The following ZBTB47 variants were observed in gnomAD, a reference collection of about 807,000 sequenced individuals.
ZBTB47 encodes the protein zinc finger and BTB domain containing 47, also known as zinc finger and BTB domain-containing protein 47.
In ZBTB47, 24 loss-of-function variants were observed where a neutral mutation model predicts 56.6. That is an observed-to-expected ratio of 0.42 (90% CI 0.31 to 0.60). The LOEUF (loss-of-function observed/expected upper bound fraction) is 0.60, where lower values mean the gene tolerates loss of function less well. ZBTB47 is among the 20% of genes least tolerant of loss of function. The pLI is 0.14. For synonymous variants in ZBTB47, 414 were observed against 418.9 expected (o/e 0.99, Z 0.14); for missense variants, 829 against 1,032.6 (o/e 0.80, Z 2.70).
rs1382078272 is a variant in ZBTB47 at position 42,664,673 on chromosome 3, G to A, written c.*75G>A. On this transcript the variant is annotated 3_prime_UTR_variant, in exon 6 of 6. Coordinates refer to ENST00000232974, the MANE Select transcript of ZBTB47 (RefSeq NM_145166.4). ...TCCAGGAGGGACCCACTGCCTTCCC[G>A]GGGAGCACAGTAGTGCGGGCCTGGG... 9.6e-6 allele frequency: 13 copies of A among 1,355,936 alleles called. No homozygotes were observed. Among genetic ancestry groups the A allele is most frequent in the Non-Finnish European group, 1.1e-5 (12 of 1,059,546 alleles). The allele number at this position is 1,355,936 out of a possible 1,614,324, so 84.0% of individuals were successfully genotyped here. A position where few individuals can be genotyped will look rare whatever the true frequency, so the allele number is the denominator to read the frequency against.
chr3:42,667,443 G>A lies in ZBTB47; in HGVS notation c.*2845G>A, dbSNP rs1309441916. Among the ~76,000 whole-genome samples the A allele has an allele frequency of 1.3e-5, 2 of 152,238 alleles. No individual in the cohort carries two copies. Among genetic ancestry groups the A allele is most frequent in the Admixed American group, 1.3e-4 (2 of 15,286 alleles). Reference sequence around the variant, plus strand: ...TGCCCTTCACAGAGGGCTTGGTAGTGGCAGAATGGCCATGCCCAGGTGTGT... The same window carrying A: ...TGCCCTTCACAGAGGGCTTGGTAGTAGCAGAATGGCCATGCCCAGGTGTGT... On this transcript the variant is annotated 3_prime_UTR_variant, in exon 6 of 6. Transcript: ENST00000232974.
rs911961486 is a variant in ZBTB47 at position 42,656,090 on chromosome 3, T to C, written c.-81-2185T>C. 4.9e-4 allele frequency among the ~76,000 whole-genome samples: 74 copies of C among 152,130 alleles called. No homozygotes were observed. Among genetic ancestry groups the C allele is most frequent in the African/African-American group, 1.7e-3 (70 of 41,426 alleles). ...AACAGGCCTGGCTTCAGCAAACCCTTATCCAAGCCACTTCTCCTGCCAGTC... is the reference window on the plus strand; with the variant it reads ...AACAGGCCTGGCTTCAGCAAACCCTCATCCAAGCCACTTCTCCTGCCAGTC... On this transcript the variant is annotated intron_variant, in intron 1 of 5. Coordinates refer to ENST00000232974, the MANE Select transcript of ZBTB47 (RefSeq NM_145166.4). The surrounding 1 kb of genome is among the most constrained non-coding windows in gnomAD (Gnocchi z 5.8).
chr3:42,662,615 T>C (rs558287210), intron 3 of ZBTB47, among the ~76,000 whole-genome samples: 2 of 152,046 alleles, frequency 1.3e-5, no homozygotes, highest in East Asian at 3.9e-4. Flanking sequence ...CCACTATGAG[T>C]CCCTTTTTAT....
chr3:42,659,949 CTT>C, intron 2 of ZBTB47, 121 bp downstream of exon 2: 2 of 1,368,326 alleles, frequency 1.5e-6, no homozygotes, highest in Non-Finnish European at 1.9e-6. Context: ...GGAGACCAGA[CTT>C]AGCCCCCAGA....
intron 1 of ZBTB47, 106 bp from the exon 2 acceptor site, chr3:42,658,169 G>C: frequency 7.9e-7 from 1 of 1,258,540 alleles, no homozygotes; most frequent in Non-Finnish European, 1.1e-6. Context: ...AGCCACGAGT[G>C]ATGGGCTGCC....
Position 42,662,993 on chromosome 3 carries a change from C to T in ZBTB47, c.1622-19C>T, listed in dbSNP as rs367772813. 2.9e-5 allele frequency: 47 copies of T among 1,594,192 alleles called. No individual in the cohort carries two copies. Among genetic ancestry groups the T allele is most frequent in the Non-Finnish European group, 4.0e-5 (47 of 1,162,314 alleles). ...GGGCAGGCCCGTAAAACATGATGGC[C>T]CTGGTGCCCACCTCGTAGCCCACAC... On this transcript the variant is annotated intron_variant, in intron 3 of 5. Transcript: ENST00000232974.
rs747430553 is a variant in ZBTB47 at position 42,659,697 on chromosome 3, C to T, written c.1342C>T (p.Arg448Cys). ...GAAGTGCCCACGAGTTTTCAACAAC[C>T]GCTGGTACCTGGAGAAACACATGAA... ...CQKCPRVFNN[R>C]WYLEKHMNVT... Residue 448 changes from arginine (R) to cysteine (C), a missense_variant, in exon 2 of 6, where the codon CGC becomes TGC. Around this residue, in one of 6 missense-constraint regions of ZBTB47, gnomAD observed 187 missense variants for 253.1 expected, o/e 0.74. Coordinates refer to ENST00000232974, the MANE Select transcript of ZBTB47 (RefSeq NM_145166.4). The T allele has an allele frequency of 3.1e-6, 5 of 1,613,334 alleles. No homozygotes were observed. Among genetic ancestry groups the T allele is most frequent in the African/African-American group, 2.7e-5 (2 of 74,920 alleles).
intron 3 of ZBTB47, 93 bp downstream of exon 3, chr3:42,661,725 G>A (rs1036515035): frequency 1.3e-6 from 2 of 1,517,782 alleles, no homozygotes; most frequent in African/African-American, 2.7e-5. Flanking sequence ...CAAGGGCAAT[G>A]TGAAGGGGTG....
Position 42,663,776 on chromosome 3 carries a change from A to AC in ZBTB47, c.1738-16dup. On this transcript the variant is annotated intron_variant, in intron 4 of 5. Transcript: ENST00000232974. The surrounding 1 kb of genome is among the most constrained non-coding windows in gnomAD (Gnocchi z 5.1). ...CTCTTCTGCTCTGTGCCTGGGCCTC[A>AC]CCCCCAAACCCCACCCCCAGAACTG... The AC allele has an allele frequency of 6.2e-7, 1 of 1,611,478 alleles. No individual in the cohort carries two copies. The highest frequency in any genetic ancestry group is 1.7e-5 in the Admixed American group (1 of 59,844).
chr3:42,662,567 A>G (rs1710733679), intron 3 of ZBTB47, among the ~76,000 whole-genome samples: 1 of 152,146 alleles, frequency 6.6e-6, no homozygotes, highest in African/African-American at 2.4e-5. Context: ...CTTTCTGCAT[A>G]TGTCCCCTCT....
rs563293226 is a variant in ZBTB47 at position 42,654,245 on chromosome 3, G to C, written c.-82+362G>C. ...TCCCGGCAGAAAGGAGGCTCAGCAC[G>C]GGAGGGTGGGGCCGGGGTCTATCTG... On this transcript the variant is annotated intron_variant, in intron 1 of 5. Transcript: ENST00000232974. The surrounding 1 kb of genome is among the most constrained non-coding windows in gnomAD (Gnocchi z 5.0). 3.0e-4 allele frequency: 46 copies of C among 152,120 alleles called. No homozygotes were observed. Among genetic ancestry groups the C allele is most frequent in the African/African-American group, 1.1e-3 (45 of 41,512 alleles). 9.4% of individuals were successfully genotyped at this position (152,120 alleles called of 1,614,324 possible). A position where few individuals can be genotyped will look rare whatever the true frequency, so the allele number is the denominator to read the frequency against.
intron 3 of ZBTB47, 25 bp from the exon 4 acceptor site, chr3:42,662,984 CATG>C: frequency 6.4e-7 from 1 of 1,568,922 alleles, no homozygotes; most frequent in Non-Finnish European, 8.8e-7. Context: ...GCCCGTAAAA[CATG>C]ATGGCCCTGG....
Position 42,661,628 on chromosome 3 carries a change from G to A in ZBTB47, c.1617G>A (p.Met539Ile), listed in dbSNP as rs768378156. 1.9e-6 allele frequency: 3 copies of A among 1,613,828 alleles called. No homozygotes were observed. The African/African-American group carries it at 4.0e-5, about 22-fold the overall frequency. ...FYTMAHVRKH[M>I]VAHTKDMPFT... ...CCATGGCCCACGTGCGTAAGCACATGGTTGGTAAGTCTGGGCCACTGGGGG... is the reference window on the plus strand; with the variant it reads ...CCATGGCCCACGTGCGTAAGCACATAGTTGGTAAGTCTGGGCCACTGGGGG... Residue 539 changes from methionine to isoleucine, a missense_variant, in exon 3 of 6, where the codon ATG becomes ATA. Transcript: ENST00000232974.
rs1710693361 is a variant in ZBTB47, at chr3:42,659,942, G to T, written c.1473+114G>T. On this transcript the variant is annotated intron_variant, in intron 2 of 5. Coordinates refer to ENST00000232974, the MANE Select transcript of ZBTB47 (RefSeq NM_145166.4). ...CTGCATTACCTAGGTGGTCTGCGGA[G>T]ACCAGACTTAGCCCCCAGACAGGCT... 5.0e-6 allele frequency: 7 copies of T among 1,395,816 alleles called. No individual in the cohort carries two copies. The South Asian group carries it at 9.1e-5, about 18-fold the overall frequency. The allele number at this position is 1,395,816 out of a possible 1,614,324, so 86.5% of individuals were successfully genotyped here.
chr3:42,664,409 C>G lies in ZBTB47; in HGVS notation c.2055C>G (p.Val685=). Residue 685 remains valine, a synonymous_variant, in exon 6 of 6, where the codon GTC becomes GTG. Transcript: ENST00000232974. The part of the protein sequence containing the change: ...LKAHKEKCFR[V]SHTLAGDGVP... The stretch of plus-strand genomic sequence containing the variant: ...CCCACAAGGAGAAGTGCTTCCGCGT[C>G]AGCCACACCCTGGCCGGCGACGGCG... 6.3e-7 allele frequency: 1 copy of G among 1,579,214 alleles called. No individual in the cohort carries two copies. The highest frequency in any genetic ancestry group is 8.6e-7 in the Non-Finnish European group (1 of 1,164,658).
In ZBTB47 at chr3:42,658,401, G is replaced by A. The variant is rs570142348; in HGVS notation, c.46G>A (p.Asp16Asn). ...GCGCCTCTTCCAGCCTGACCTCTGCGACGTGGACTTGGTGCTGGTGCCCCA... is the reference window on the plus strand; with the variant it reads ...GCGCCTCTTCCAGCCTGACCTCTGCAACGTGGACTTGGTGCTGGTGCCCCA... Reference protein sequence around the residue: ...EQRLFQPDLCDVDLVLVPQRS... With the variant: ...EQRLFQPDLCNVDLVLVPQRS... Residue 16 changes from aspartate to asparagine, a missense_variant, in exon 2 of 6, where the codon GAC (aspartate) becomes AAC (asparagine). Asp to Asn is a conservative substitution (Grantham distance 23). Around this residue, in one of 6 missense-constraint regions of ZBTB47, gnomAD observed 120 missense variants for 200.2 expected, o/e 0.60. Coordinates refer to ENST00000232974, the MANE Select transcript of ZBTB47 (RefSeq NM_145166.4). 5 of 1,536,952 alleles carry A rather than the reference G, an allele frequency of 3.3e-6. No individual in the cohort carries two copies. Among genetic ancestry groups the A allele is most frequent in the Non-Finnish European group, 3.5e-6 (4 of 1,146,908 alleles).
rs2125839663 is a variant in ZBTB47 at position 42,665,298 on chromosome 3, C to A, written c.*700C>A. ...CCTTCCCCACCCACTCTGCTGCCAG[C>A]AGGCCCAGGGATCCCTGACCTGCAC... On this transcript the variant is annotated 3_prime_UTR_variant, in exon 6 of 6. Transcript: ENST00000232974. 1 of 152,916 alleles carries A rather than the reference C, an allele frequency of 6.5e-6. No individual in the cohort carries two copies. The highest frequency in any genetic ancestry group is 1.5e-5 in the Non-Finnish European group (1 of 68,202). 9.5% of individuals were successfully genotyped at this position (152,916 alleles called of 1,614,324 possible).
chr3:42,655,386 G>T (rs1353864073), intron 1 of ZBTB47, among the ~76,000 whole-genome samples: 1 of 152,186 alleles, frequency 6.6e-6, no homozygotes, highest in Non-Finnish European at 1.5e-5. Flanking sequence ...CTGAGGCAGG[G>T]TAGAGAGATG....
At position 42,659,836 on chromosome 3, in the gene ZBTB47, T is replaced by C. The variant is rs748527444; in HGVS notation, c.1473+8T>C. The C allele has an allele frequency of 6.3e-7, 1 of 1,590,266 alleles. No homozygotes were observed. Among genetic ancestry groups the C allele is most frequent in the African/African-American group, 1.3e-5 (1 of 74,652 alleles). On this transcript the variant is annotated splice_region_variant and intron_variant, in intron 2 of 5. Transcript: ENST00000232974. ...TGCGAGCGCAACATCCAGGTGGGCC[T>C]CACGTGGCTGGGGGCAGGGCAGAGG...
Sources: allele counts gnomAD v4.1 joint callset (sites outside exome capture counted in the v4.1 genomes callset), GRCh38; gene constraint gnomAD v4.1.1; regional missense constraint gnomAD v4.1.1; non-coding constraint Gnocchi (gnomAD v3.1); transcripts MANE v1.5; gene names NCBI Gene and HGNC (gene_info 2026-07-23, HGNC 2026-07-21).